CERS6: variants seen among roughly 807,000 people sequenced by gnomAD.
CERS6 encodes the protein ceramide synthase 6, also known as LAG1 homolog, ceramide synthase 6.
CERS6 carries 26 observed loss-of-function variants against 56.8 expected under a neutral mutation model. That is an observed-to-expected ratio of 0.46 (90% CI 0.34 to 0.63). The LOEUF (loss-of-function observed/expected upper bound fraction) is 0.63, where lower values mean the gene tolerates loss of function less well. CERS6 is among the 30% of genes least tolerant of loss of function. The pLI is 0.01. For missense variants in CERS6, 415 were observed against 467.5 expected, an observed-to-expected ratio of 0.89 and a Z score of 1.04; for synonymous variants, 164 against 173.3, an observed-to-expected ratio of 0.95 and a Z score of 0.42.
chr2:168,627,645 T>A (rs940288862), intron 3 of CERS6, among the ~76,000 whole-genome samples: 3 of 141,040 alleles, frequency 2.1e-5, no homozygotes, highest in Admixed American at 7.1e-5. Context: ...TTTTTTTTTT[T>A]ATTGTAAACC....
chr2:168,684,332 G>A (rs1469139302), intron 4 of CERS6, among the ~76,000 whole-genome samples: 1 of 152,158 alleles, frequency 6.6e-6, no homozygotes, highest in Non-Finnish European at 1.5e-5. Flanking sequence ...CTTGCATTCT[G>A]GGAGTGCTCT....
intron 3 of CERS6, among the ~76,000 whole-genome samples, chr2:168,584,421 TGA>T (rs984893783): frequency 2.6e-4 from 39 of 152,142 alleles, no homozygotes; most frequent in Admixed American, 2.3e-3. Flanking sequence ...GTAATATGTG[TGA>T]GAGAGAGAAA....
At chr2:168,556,314 G>T (rs1192027893) in intron 2 of CERS6, among the ~76,000 whole-genome samples, 2 of 152,070 alleles carry the variant, frequency 1.3e-5, no homozygotes, top group East Asian at 3.8e-4. Context: ...TAAAAGAATT[G>T]TTTATAATTG....
chr2:168,631,622 T>TAA (rs1684735254), intron 4 of CERS6, among the ~76,000 whole-genome samples: 2 of 115,512 alleles, frequency 1.7e-5, no homozygotes. Flanking sequence ...ATTTAATATT[T>TAA]ATATAATATA....
Position 168,600,190 on chromosome 2 carries a change from TTCTCTC to T in CERS6, c.408-30779_408-30774del, listed in dbSNP as rs10651781. 4.3e-4 allele frequency among the ~76,000 whole-genome samples: 59 copies of T among 138,052 alleles called. No individual in the cohort carries two copies. In the South Asian group the frequency reaches 0.012, roughly 28 times the overall value. The allele number at this position is 138,052 out of a possible 152,430, so 90.6% of individuals were successfully genotyped here. ...CTTATTATGCTGTAAACTACCATATTTCTCTCTCTCTCTCTCTCTCTTTTTTTTTTT... is the reference window on the plus strand; with the variant it reads ...CTTATTATGCTGTAAACTACCATATTTCTCTCTCTCTCTCTTTTTTTTTTT... On this transcript the variant is annotated intron_variant, in intron 3 of 9. Coordinates refer to ENST00000305747, the MANE Select transcript of CERS6 (RefSeq NM_203463.3).
chr2:168,630,087 A>G (rs1380708837), intron 3 of CERS6, among the ~76,000 whole-genome samples: 1 of 152,066 alleles, frequency 6.6e-6, no homozygotes, highest in Non-Finnish European at 1.5e-5. Context: ...AAGTGCTGGG[A>G]TTACAGGTGT....
rs1491063289 is a variant in CERS6 at position 168,752,317 on chromosome 2, GTA to G, written c.846-13272_846-13271del. 7.6e-3 allele frequency among the ~76,000 whole-genome samples: 1,076 copies of G among 142,182 alleles called. 20 individuals are homozygous for G. Among genetic ancestry groups the G allele is most frequent in the African/African-American group, 0.027 (942 of 34,744 alleles). 93.3% of individuals were successfully genotyped at this position (142,182 alleles called of 152,430 possible). ...TGTGTGTGTGTGTGTGTGTGTGTGT[GTA>G]TAGAGAGAGAGAGAGAGAGGCTAAG... On this transcript the variant is annotated intron_variant, in intron 8 of 9. Transcript: ENST00000305747.
At chr2:168,548,304 A>G (rs561957501) in intron 2 of CERS6, among the ~76,000 whole-genome samples, 43 of 152,244 alleles carry the variant, frequency 2.8e-4, no homozygotes, top group African/African-American at 1.0e-3. Flanking sequence ...CCAAACTAGG[A>G]GTGGGAGGAA....
intron 3 of CERS6, among the ~76,000 whole-genome samples, chr2:168,617,621 A>T (rs1684349205): frequency 6.6e-6 from 1 of 152,208 alleles, no homozygotes; most frequent in African/African-American, 2.4e-5. Context: ...CCCGTAAACC[A>T]GAAAACCTAG....
At chr2:168,544,666 G>A (rs1234006880) in intron 1 of CERS6, among the ~76,000 whole-genome samples, 1 of 152,190 alleles carries the variant, frequency 6.6e-6, no homozygotes, top group Admixed American at 6.5e-5. Flanking sequence ...TGGACTCACT[G>A]TGGACCGGCA....
intron 8 of CERS6, among the ~76,000 whole-genome samples, chr2:168,730,804 G>A (rs965597919): frequency 6.6e-6 from 1 of 152,156 alleles, no homozygotes; most frequent in Non-Finnish European, 1.5e-5. Context: ...CTGCAGCCAT[G>A]CATTAAAGAG....
intron 2 of CERS6, among the ~76,000 whole-genome samples, chr2:168,550,508 T>C (rs1242061360): frequency 1.3e-5 from 2 of 152,144 alleles, no homozygotes; most frequent in Non-Finnish European, 2.9e-5. Flanking sequence ...TGTAATGTCA[T>C]GTTCCCTAAT....
chr2:168,552,816 A>G (rs1695600406), intron 2 of CERS6, among the ~76,000 whole-genome samples: 1 of 152,206 alleles, frequency 6.6e-6, no homozygotes, highest in Admixed American at 6.5e-5. Context: ...CAACTAATTC[A>G]AAGATGATTA....
rs1040340451 is a variant in CERS6, at chr2:168,769,721, A to T, written c.*59A>T. On this transcript the variant is annotated 3_prime_UTR_variant, in exon 10 of 10. Transcript: ENST00000305747. ...CTATTTGTTCCTGGAAGTATTTAAT[A>T]AGTTGCAAATGCAGTTCCTTTCATA... is the stretch of plus-strand genomic sequence containing the variant. 6.4e-7 allele frequency: 1 copy of T among 1,561,480 alleles called. No individual in the cohort carries two copies. The highest frequency in any genetic ancestry group is 1.4e-5 in the African/African-American group (1 of 72,842).
chr2:168,676,902 T>C (rs1686074448), intron 4 of CERS6, among the ~76,000 whole-genome samples: 1 of 152,106 alleles, frequency 6.6e-6, no homozygotes, highest in South Asian at 2.1e-4. Context: ...TGTCTGCTGG[T>C]GAAGAAGACA....
In CERS6 at chr2:168,626,454, A is replaced by G. The variant is rs567198022; in HGVS notation, c.408-4531A>G. 9.2e-5 allele frequency among the ~76,000 whole-genome samples: 14 copies of G among 152,192 alleles called. No individual in the cohort carries two copies. The South Asian group carries it at 2.7e-3, about 29-fold the overall frequency. ...CTCAATGCTCTGATTTCCTGCTTCA[A>G]ATGCACATTTTAGTAGTCTTGATTT... On this transcript the variant is annotated intron_variant, in intron 3 of 9. Transcript: ENST00000305747.
chr2:168,702,584 CA>C (rs1278087235), intron 6 of CERS6, among the ~76,000 whole-genome samples: 2 of 152,034 alleles, frequency 1.3e-5, no homozygotes, highest in African/African-American at 4.8e-5. Context: ...ATGTGATTTT[CA>C]AAAATATTTT....
At chr2:168,674,017 A>G (rs1685989562) in intron 4 of CERS6, among the ~76,000 whole-genome samples, 2 of 152,158 alleles carry the variant, frequency 1.3e-5, no homozygotes, top group South Asian at 2.1e-4. Context: ...AACTGTTAAT[A>G]TGTTTGGAGT....
At chr2:168,714,921 A>G in intron 6 of CERS6, 80 bp from the exon 7 acceptor site, 1 of 1,388,678 alleles carries the variant, frequency 7.2e-7, no homozygotes. Context: ...TTCTCAGTAA[A>G]TACTGGTTCA....
Sources: allele counts gnomAD v4.1 joint callset (sites outside exome capture counted in the v4.1 genomes callset), GRCh38; gene constraint gnomAD v4.1.1; transcripts MANE v1.5; gene names NCBI Gene and HGNC (gene_info 2026-07-23, HGNC 2026-07-21).